SLC25A13: variants seen among roughly 807,000 people sequenced by gnomAD.
SLC25A13 encodes the protein solute carrier family 25 member 13.
A neutral mutation model predicts 85.5 loss-of-function variants in SLC25A13; 70 were observed. That is an observed-to-expected ratio of 0.82 (90% CI 0.68 to 1.00). The LOEUF (loss-of-function observed/expected upper bound fraction) is 1.00, where lower values mean the gene tolerates loss of function less well. Ranked by LOEUF, SLC25A13 falls within the 50% of genes least tolerant of loss-of-function variation. The probability of loss-of-function intolerance (pLI) is 0.00; values close to 1 mark genes in which losing one functional copy is unlikely to be tolerated. For synonymous variants in SLC25A13, 259 were observed against 288.7 expected, an observed-to-expected ratio of 0.90 and a Z score of 1.04; for missense variants, 765 against 819.8, an observed-to-expected ratio of 0.93 and a Z score of 0.82.
In SLC25A13 at chr7:96,224,561, A is replaced by G. The variant is rs925211694; in HGVS notation, c.328+10241T>C. Among the ~76,000 whole-genome samples the G allele has an allele frequency of 2.6e-5, 4 of 152,136 alleles. No individual in the cohort carries two copies. The East Asian group carries it at 5.8e-4, about 22-fold the overall frequency. On this transcript the variant is annotated intron_variant, in intron 4 of 17. Transcript: ENST00000265631. ...CTCCCCTTCAGTCAGAATTCTGTTC[A>G]TATCAAAAGATAAAGCTTTTCTGGG...
At position 96,277,251 on chromosome 7, in the gene SLC25A13, G is replaced by A; in HGVS notation, c.157C>T (p.Pro53Ser). 6.2e-7 allele frequency: 1 copy of A among 1,611,072 alleles called. No homozygotes were observed. Among genetic ancestry groups the A allele is most frequent in the Non-Finnish European group, 8.5e-7 (1 of 1,178,546 alleles). ...AAAAGTTCCACAGTCTTTGGATTAG[G>A]CTGGCTTTCTCCAAAAATGTTCAAG... ...RYLNIFGESQPNPKTVELLSG... is the reference protein window; with the variant it reads ...RYLNIFGESQSNPKTVELLSG... The change falls in exon 3 of 18, where the codon CCT becomes TCT. Residue 53 changes from proline to serine, a missense_variant. Transcript: ENST00000265631.
intron 13 of SLC25A13, among the ~76,000 whole-genome samples, chr7:96,160,925 T>C (rs1793483276): frequency 6.6e-6 from 1 of 151,920 alleles, no homozygotes; most frequent in South Asian, 2.1e-4. Flanking sequence ...TGGAGCTGCC[T>C]CTTGGCTTTT....
chr7:96,222,481 C>T (rs1300373958), intron 4 of SLC25A13, among the ~76,000 whole-genome samples: 1 of 152,212 alleles, frequency 6.6e-6, no homozygotes, highest in South Asian at 2.1e-4. Context: ...GAATATTGCT[C>T]TGTCACCAGG....
chr7:96,244,343 G>A (rs1449616749), intron 3 of SLC25A13, among the ~76,000 whole-genome samples: 1 of 152,116 alleles, frequency 6.6e-6, no homozygotes, highest in African/African-American at 2.4e-5. Flanking sequence ...TATTTAATAT[G>A]TTAGTTGATG....
chr7:96,126,522 G>C (rs552774039), intron 15 of SLC25A13, among the ~76,000 whole-genome samples: 1 of 152,268 alleles, frequency 6.6e-6, no homozygotes, highest in Non-Finnish European at 1.5e-5. Flanking sequence ...CAATCCTGAA[G>C]AAAGTATAGT....
intron 7 of SLC25A13, among the ~76,000 whole-genome samples, chr7:96,190,807 T>A (rs554645774): frequency 6.6e-6 from 1 of 152,144 alleles, no homozygotes; most frequent in East Asian, 2.0e-4. Flanking sequence ...GAGACAGGGT[T>A]TCACCCTCTT....
At chr7:96,255,948 A>G (rs1187086004) in intron 3 of SLC25A13, among the ~76,000 whole-genome samples, 2 of 152,188 alleles carry the variant, frequency 1.3e-5, no homozygotes, top group African/African-American at 4.8e-5. Context: ...ATAATTTTCA[A>G]CCCAGAATTT....
chr7:96,244,414 T>C (rs1186730796), intron 3 of SLC25A13, among the ~76,000 whole-genome samples: 1 of 152,228 alleles, frequency 6.6e-6, no homozygotes, highest in African/African-American at 2.4e-5. Flanking sequence ...GACTATTGTT[T>C]CTAATCTGAT....
At chr7:96,238,510 T>C (rs1053296865) in intron 3 of SLC25A13, among the ~76,000 whole-genome samples, 1 of 152,194 alleles carries the variant, frequency 6.6e-6, no homozygotes, top group Non-Finnish European at 1.5e-5. Context: ...AAAGAAAGGT[T>C]ACTTAAAGCT....
At chr7:96,261,499 G>C (rs1797850174) in intron 3 of SLC25A13, among the ~76,000 whole-genome samples, 1 of 152,074 alleles carries the variant, frequency 6.6e-6, no homozygotes, top group Non-Finnish European at 1.5e-5. Flanking sequence ...TCTTTCATCA[G>C]TTATCTTCTT....
rs144494809 is a variant in SLC25A13, at chr7:96,131,828, C to T, written c.1506G>A (p.Pro502=). 38 of 1,613,868 alleles carry T rather than the reference C, an allele frequency of 2.4e-5. No individual in the cohort carries two copies. Among genetic ancestry groups the T allele is most frequent in the Admixed American group, 1.2e-4 (7 of 59,976 alleles). The change falls in exon 15 of 18, where the codon CCG becomes CCA. Residue 502 remains proline, a synonymous_variant. Coordinates refer to ENST00000265631, the MANE Select transcript of SLC25A13 (RefSeq NM_014251.3). ...AGGAAGCCTTCACATGAGCATAGCA[C>T]GGAAAGTAGATGGCCGAGAAAGGAA... The part of the protein sequence containing the change: ...RDIPFSAIYF[P]CYAHVKASFA...
chr7:96,161,977 T>G (rs1311610635), intron 13 of SLC25A13, among the ~76,000 whole-genome samples: 1 of 152,248 alleles, frequency 6.6e-6, no homozygotes, highest in African/African-American at 2.4e-5. Context: ...TAATGCATAA[T>G]GTATCTTGAT....
chr7:96,304,861 C>T (rs73710275), intron 1 of SLC25A13, among the ~76,000 whole-genome samples: 2,061 of 152,284 alleles, frequency 0.014, 41 homozygotes, highest in African/African-American at 0.047. Context: ...GCTGACTTAT[C>T]GACAAGTGGT....
At chr7:96,247,205 C>T (rs925663692) in intron 3 of SLC25A13, among the ~76,000 whole-genome samples, 7 of 152,180 alleles carry the variant, frequency 4.6e-5, no homozygotes, top group African/African-American at 1.7e-4. Context: ...TAACCCTTCA[C>T]TGAATATCAT....
At chr7:96,173,272 G>A (rs74390941) in intron 11 of SLC25A13, among the ~76,000 whole-genome samples, 2,438 of 152,224 alleles carry the variant, frequency 0.016, 66 homozygotes, top group African/African-American at 0.055. Flanking sequence ...CGTTTATTAC[G>A]TGCCAGGTAC....
chr7:96,146,599 G>A lies in SLC25A13; in HGVS notation c.1409C>T (p.Ala470Val), dbSNP rs1183612224. The A allele has an allele frequency of 1.2e-6, 2 of 1,613,654 alleles. No homozygotes were observed. The highest frequency in any genetic ancestry group is 4.5e-5 in the East Asian group (2 of 44,876). ...GEITTGPRVS[A>V]LSVVRDLGFF... ...CCCCAGGTCCCGCACGACAGACAGA[G>A]CACTGACTCGAGGACCAGTGGTGAT... The change falls in exon 14 of 18, where the codon GCT becomes GTT. Residue 470 changes from alanine to valine, a missense_variant. Transcript: ENST00000265631.
At chr7:96,225,357 C>G (rs1047201604) in intron 4 of SLC25A13, among the ~76,000 whole-genome samples, 1 of 151,980 alleles carries the variant, frequency 6.6e-6, no homozygotes, top group African/African-American at 2.4e-5. Flanking sequence ...TTAGTCTGGG[C>G]AACATAGTTA....
intron 3 of SLC25A13, among the ~76,000 whole-genome samples, chr7:96,272,854 C>G (rs1020688837): frequency 6.6e-6 from 1 of 152,130 alleles, no homozygotes; most frequent in African/African-American, 2.4e-5. Flanking sequence ...TTAGAAAAAT[C>G]GCCACCTTTT....
At chr7:96,246,218 A>G (rs1019259550) in intron 3 of SLC25A13, among the ~76,000 whole-genome samples, 4 of 152,230 alleles carry the variant, frequency 2.6e-5, no homozygotes, top group Admixed American at 2.0e-4. Context: ...GAAAAGCACA[A>G]AAGTACCTAC....
Sources: gnomAD v4.1 joint callset for allele counts (sites outside exome capture counted in the v4.1 genomes callset) on GRCh38, gnomAD v4.1.1 for gene constraint, MANE v1.5 for transcripts, NCBI Gene and HGNC (gene_info 2026-07-23, HGNC 2026-07-21) for gene names.